TAMM41: variants seen among roughly 807,000 people sequenced by gnomAD.
TAMM41 encodes the protein TAM41 mitochondrial translocator assembly and maintenance homolog, also known as phosphatidate cytidylyltransferase, mitochondrial.
A neutral mutation model predicts 44.1 loss-of-function variants in TAMM41; 36 were observed. That is an observed-to-expected ratio of 0.82 (90% CI 0.63 to 1.08). TAMM41 has a LOEUF of 1.08. Ranked by LOEUF, TAMM41 falls within the 50% of genes least tolerant of loss-of-function variation. The pLI, the probability that TAMM41 is intolerant of heterozygous loss-of-function variation, is 0.00. For missense variants in TAMM41, 417 were observed against 404.3 expected (o/e 1.03, Z -0.27); for synonymous variants, 164 against 153.1 (o/e 1.07, Z -0.53).
intron 7 of TAMM41, among the ~76,000 whole-genome samples, chr3:11,798,480 A>T (rs1015084498): frequency 2.0e-5 from 3 of 152,278 alleles, no homozygotes; most frequent in African/African-American, 4.8e-5. Context: ...AGGGAACAAC[A>T]GACACTGGGG....
At chr3:11,729,930 A>C in the TAMM41 span, among the ~76,000 whole-genome samples, 2 of 152,176 alleles carry the variant, frequency 1.3e-5, no homozygotes, top group African/African-American at 4.8e-5. Context: ...AGATTGTCCC[A>C]TTATGCAGAT....
intron 7 of TAMM41, among the ~76,000 whole-genome samples, chr3:11,799,946 T>G (rs756696182): frequency 3.9e-5 from 6 of 152,162 alleles, no homozygotes; most frequent in Non-Finnish European, 7.3e-5. Flanking sequence ...ATTTTTAAAG[T>G]GCTGAAGGAA....
chr3:11,800,127 C>A (rs910805872), intron 7 of TAMM41, among the ~76,000 whole-genome samples: 8 of 152,074 alleles, frequency 5.3e-5, no homozygotes, highest in African/African-American at 1.9e-4. Flanking sequence ...TATTCACCAT[C>A]ACAAAAATAC....
chr3:11,790,131 G>C (rs911410797), downstream of TAMM41, among the ~76,000 whole-genome samples: 5 of 152,168 alleles, frequency 3.3e-5, no homozygotes, highest in Non-Finnish European at 7.3e-5. Flanking sequence ...GGAGACTAGA[G>C]ACATAACAAG....
chr3:11,765,565 C>A, the TAMM41 span, among the ~76,000 whole-genome samples: 1 of 152,194 alleles, frequency 6.6e-6, no homozygotes, highest in Non-Finnish European at 1.5e-5. Context: ...ATTAAATATG[C>A]AGTCTGTACA....
chr3:11,772,931 T>C, the TAMM41 span, among the ~76,000 whole-genome samples: 1 of 152,138 alleles, frequency 6.6e-6, no homozygotes, highest in Non-Finnish European at 1.5e-5. Context: ...TCACACGGTA[T>C]ACTCTTGATT....
chr3:11,805,722 T>C (rs531113570), intron 7 of TAMM41, among the ~76,000 whole-genome samples: 1 of 152,218 alleles, frequency 6.6e-6, no homozygotes, highest in East Asian at 1.9e-4. Context: ...TAGAATTAGG[T>C]TGAAAGATCA....
the TAMM41 span, among the ~76,000 whole-genome samples, chr3:11,734,925 TGTC>T: frequency 4.8e-4 from 71 of 147,426 alleles, no homozygotes; most frequent in Non-Finnish European, 8.0e-4. Context: ...GGCGGGCGCC[TGTC>T]GTCCCAGCTA....
At chr3:11,815,507 C>T (rs1013974684) in intron 5 of TAMM41, among the ~76,000 whole-genome samples, 2 of 152,036 alleles carry the variant, frequency 1.3e-5, no homozygotes, top group African/African-American at 4.8e-5. Flanking sequence ...CCAGGAGAAA[C>T]AAAGTTGTAC....
the TAMM41 span, among the ~76,000 whole-genome samples, chr3:11,731,112 G>T: frequency 6.6e-6 from 1 of 152,286 alleles, no homozygotes; most frequent in African/African-American, 2.4e-5. Context: ...AGCCCCTACT[G>T]CATGTAGTGC....
the TAMM41 span, among the ~76,000 whole-genome samples, chr3:11,762,809 C>G: frequency 1.2e-4 from 19 of 152,190 alleles, no homozygotes; most frequent in African/African-American, 4.6e-4. Flanking sequence ...CCTGTAATCC[C>G]AGCACTTTGG....
chr3:11,807,584 G>C, intron 7 of TAMM41: 2 of 1,536,118 alleles, frequency 1.3e-6, no homozygotes, highest in Non-Finnish European at 1.7e-6. Flanking sequence ...CTGCACACAG[G>C]AAGTGTCTCA....
chr3:11,767,594 A>G, the TAMM41 span, among the ~76,000 whole-genome samples: 1 of 139,712 alleles, frequency 7.2e-6, no homozygotes, highest in South Asian at 2.3e-4. Flanking sequence ...CGAGGGTTCC[A>G]CTTACTCCCC....
At chr3:11,784,615 A>T in the TAMM41 span, among the ~76,000 whole-genome samples, 1 of 152,136 alleles carries the variant, frequency 6.6e-6, no homozygotes, top group African/African-American at 2.4e-5. Flanking sequence ...CTTCCCTTCA[A>T]CTATTTTCTA....
At chr3:11,801,358 G>T (rs2077749046) in intron 7 of TAMM41, among the ~76,000 whole-genome samples, 1 of 152,044 alleles carries the variant, frequency 6.6e-6, no homozygotes, top group South Asian at 2.1e-4. Flanking sequence ...CTGAGACAGG[G>T]TCTTACTGTG....
chr3:11,774,960 C>G, the TAMM41 span, among the ~76,000 whole-genome samples: 551 of 152,046 alleles, frequency 3.6e-3, 4 homozygotes, highest in African/African-American at 0.012. Flanking sequence ...TCTCCGCCCC[C>G]CAGGTTCAAG....
chr3:11,796,724 C>A (rs2077615321), intron 7 of TAMM41, among the ~76,000 whole-genome samples: 1 of 152,140 alleles, frequency 6.6e-6, no homozygotes, highest in Non-Finnish European at 1.5e-5. Context: ...AGAACAACAA[C>A]AGCTATGATG....
intron 7 of TAMM41, chr3:11,807,142 G>A (rs1234530056): frequency 1.0e-6 from 1 of 980,640 alleles, no homozygotes; most frequent in Admixed American, 6.2e-5. Context: ...TACAGTAAAT[G>A]GGGGACCCCC....
At chr3:11,821,008 G>A (rs909333669) in intron 4 of TAMM41, among the ~76,000 whole-genome samples, 1 of 152,196 alleles carries the variant, frequency 6.6e-6, no homozygotes, top group African/African-American at 2.4e-5. Flanking sequence ...ATGTCCCAGG[G>A]TGACTGAGGT....
Sources: allele counts gnomAD v4.1 joint callset (sites outside exome capture counted in the v4.1 genomes callset), GRCh38; gene constraint gnomAD v4.1.1; transcripts MANE v1.5; gene names NCBI Gene and HGNC (gene_info 2026-07-23, HGNC 2026-07-21).